PCGF5: variants seen among roughly 807,000 people sequenced by gnomAD.
PCGF5 encodes the protein polycomb group RING finger protein 5.
A neutral mutation model predicts 44.3 loss-of-function variants in PCGF5; 9 were observed. The ratio of observed to expected loss-of-function variants is 0.20; its 90% CI spans 0.12 to 0.35. The LOEUF is 0.35. Among genes scored for constraint, PCGF5 ranks in the 10% least tolerant of loss-of-function variants. PCGF5 has a pLI of 1.00. For synonymous variants in PCGF5, 95 were observed against 102.5 expected (o/e 0.93, Z 0.44); for missense variants, 146 against 305.3 (o/e 0.48, Z 3.89).
intron 1 of PCGF5, among the ~76,000 whole-genome samples, chr10:91,163,616 C>T (rs180972007): frequency 1.4e-3 from 218 of 152,196 alleles, no homozygotes; most frequent in African/African-American, 5.1e-3. Context: ...TGGCTCGGGG[C>T]GCGAGCATCT....
intron 1 of PCGF5, among the ~76,000 whole-genome samples, chr10:91,172,569 A>G (rs1843629009): frequency 6.6e-6 from 1 of 152,248 alleles, no homozygotes; most frequent in African/African-American, 2.4e-5. Flanking sequence ...GTGGAATAGT[A>G]TGGTGTCATA....
chr10:91,271,764 A>G lies in PCGF5; in HGVS notation c.723+67A>G, dbSNP rs1846187582. 4 of 1,329,784 alleles carry G rather than the reference A, an allele frequency of 3.0e-6. No individual in the cohort carries two copies. In the African/African-American group the frequency reaches 4.3e-5, roughly 14 times the overall value. The allele number at this position is 1,329,784 out of a possible 1,614,324, so 82.4% of individuals were successfully genotyped here. ...CATGGCGGTGAGCACATTCATCCCAAACTCAATTCCTAAGACATTTAACTT... is the reference window on the plus strand; with the variant it reads ...CATGGCGGTGAGCACATTCATCCCAGACTCAATTCCTAAGACATTTAACTT... On this transcript the variant is annotated intron_variant, in intron 9 of 9. Transcript: ENST00000336126.
At chr10:91,173,578 C>CTTTTTTTTTTTTTTTTTTTTTTT (rs59254639) in intron 1 of PCGF5, among the ~76,000 whole-genome samples, 1 of 115,626 alleles carries the variant, frequency 8.6e-6, no homozygotes, top group African/African-American at 3.4e-5. Flanking sequence ...AGGGAGTTGG[C>CTTTTTTTTTTTTTTTTTTTTTTT]TTTTTTTTTT....
intron 3 of PCGF5, among the ~76,000 whole-genome samples, chr10:91,248,229 A>G (rs929149045): frequency 6.6e-6 from 1 of 152,168 alleles, no homozygotes; most frequent in African/African-American, 2.4e-5. Context: ...AGGCAGGGGA[A>G]TAAACTCCAT....
At chr10:91,168,931 A>G (rs1198170155) in intron 1 of PCGF5, among the ~76,000 whole-genome samples, 3 of 18,060 alleles carry the variant, frequency 1.7e-4, no homozygotes, top group East Asian at 4.5e-3. Context: ...CCGTCTCAGA[A>G]AAAAAAAAAA....
chr10:91,192,692 A>G (rs1844054921), intron 1 of PCGF5, among the ~76,000 whole-genome samples: 1 of 152,216 alleles, frequency 6.6e-6, no homozygotes, highest in South Asian at 2.1e-4. Context: ...CAGGCATAGT[A>G]AACATTTATT....
Position 91,175,151 on chromosome 10 carries a change from C to T in PCGF5, c.-184+12070C>T, listed in dbSNP as rs1261824839. The stretch of plus-strand genomic sequence containing the variant: ...AATCTGTAAGGGAACTAGATCCTCA[C>T]TTCACTTCTTCTATGCCATACCACA... On this transcript the variant is annotated intron_variant, in intron 1 of 9. Coordinates refer to the PCGF5 transcript ENST00000614189. 2.0e-5 allele frequency among the ~76,000 whole-genome samples: 3 copies of T among 152,204 alleles called. No individual in the cohort carries two copies. In the East Asian group the frequency reaches 5.8e-4, roughly 29 times the overall value.
chr10:91,198,797 G>A (rs1030452722), intron 1 of PCGF5, among the ~76,000 whole-genome samples: 4 of 152,248 alleles, frequency 2.6e-5, no homozygotes, highest in Non-Finnish European at 4.4e-5. Context: ...AGGATTGGAT[G>A]TAGTTTTGTG....
chr10:91,247,962 A>G (rs993456322), intron 3 of PCGF5, among the ~76,000 whole-genome samples: 11 of 152,090 alleles, frequency 7.2e-5, no homozygotes, highest in African/African-American at 4.8e-5. Context: ...TTAGCTGTGC[A>G]TTGGGTAATC....
intron 2 of PCGF5, among the ~76,000 whole-genome samples, chr10:91,223,520 G>A (rs1263502628): frequency 6.6e-6 from 1 of 152,176 alleles, no homozygotes; most frequent in East Asian, 1.9e-4. Flanking sequence ...GCATGCTTAA[G>A]TTTGAGAATC....
intron 1 of PCGF5, among the ~76,000 whole-genome samples, chr10:91,186,586 G>GTGTA (rs1564628192): frequency 9.4e-4 from 110 of 116,710 alleles, no homozygotes; most frequent in African/African-American, 2.7e-3. Flanking sequence ...ATATGTGTGT[G>GTGTA]TATATATATG....
rs2133486242 is a variant in PCGF5 at position 91,281,409 on chromosome 10, T to G, written c.*3093T>G. The G allele has an allele frequency of 6.5e-6, 1 of 152,680 alleles. No individual in the cohort carries two copies. The highest frequency in any genetic ancestry group is 1.9e-4 in the East Asian group (1 of 5,192). 9.5% of individuals were successfully genotyped at this position (152,680 alleles called of 1,614,324 possible). A position where few individuals can be genotyped will look rare whatever the true frequency, so the allele number is the denominator to read the frequency against. On this transcript the variant is annotated 3_prime_UTR_variant, in exon 10 of 10. Coordinates refer to ENST00000336126, the MANE Select transcript of PCGF5 (RefSeq NM_032373.5). ...AGGAAAAAAAGTGTGTTATATAATATTGTGAACTGTTTAGCTTTACTGAAA... is the reference window on the plus strand; with the variant it reads ...AGGAAAAAAAGTGTGTTATATAATAGTGTGAACTGTTTAGCTTTACTGAAA...
At chr10:91,236,135 C>T (rs539879330) in intron 2 of PCGF5, among the ~76,000 whole-genome samples, 2 of 152,204 alleles carry the variant, frequency 1.3e-5, no homozygotes, top group South Asian at 4.1e-4. Flanking sequence ...GATTTTGATG[C>T]CAGGGACCAA....
At chr10:91,192,477 C>G (rs1016458746) in intron 1 of PCGF5, among the ~76,000 whole-genome samples, 3 of 152,174 alleles carry the variant, frequency 2.0e-5, no homozygotes, top group Admixed American at 2.0e-4. Context: ...CCATCTTGCT[C>G]ATCGTCAATT....
At chr10:91,277,412 A>G (rs61279719) in intron 9 of PCGF5, among the ~76,000 whole-genome samples, 19,787 of 152,116 alleles carry the variant, frequency 0.13, 2,391 homozygotes, top group African/African-American at 0.32. Context: ...ATTTTAAGAG[A>G]GAGTATCTAC....
chr10:91,218,580 G>T (rs1341956994), upstream of PCGF5, among the ~76,000 whole-genome samples: 4 of 152,082 alleles, frequency 2.6e-5, no homozygotes, highest in Non-Finnish European at 5.9e-5. Context: ...CATCACACAG[G>T]AAAGTTGCCA....
At chr10:91,213,424 T>C (rs1342665276) in intron 1 of PCGF5, among the ~76,000 whole-genome samples, 1 of 152,126 alleles carries the variant, frequency 6.6e-6, no homozygotes, top group Non-Finnish European at 1.5e-5. Flanking sequence ...TATAAGTATG[T>C]TTCTGTACTT....
At chr10:91,222,554 A>G (rs944979015) in intron 1 of PCGF5, 135 bp from the exon 2 acceptor site, 7 of 430,168 alleles carry the variant, frequency 1.6e-5, no homozygotes, top group East Asian at 1.4e-4. Context: ...TAATGATACA[A>G]TGAAGGATAT....
rs74150613 is a variant in PCGF5 at position 91,231,231 on chromosome 10, G to A, written c.112+8248G>A. Among the ~76,000 whole-genome samples, 1,101 of 152,194 alleles carry A rather than the reference G, an allele frequency of 7.2e-3. 18 individuals carry two copies. The highest frequency in any genetic ancestry group is 0.025 in the African/African-American group (1,045 of 41,516). Reference sequence around the variant, plus strand: ...CATTTATATTATAAATCATTACTAAGCACTTTGTCTTCCAGATACAATTCT... The same window carrying A: ...CATTTATATTATAAATCATTACTAAACACTTTGTCTTCCAGATACAATTCT... On this transcript the variant is annotated intron_variant, in intron 2 of 9. Transcript: ENST00000336126.
Sources: gnomAD v4.1 joint callset for allele counts (sites outside exome capture counted in the v4.1 genomes callset) on GRCh38, gnomAD v4.1.1 for gene constraint, MANE v1.5 for transcripts, NCBI Gene and HGNC (gene_info 2026-07-23, HGNC 2026-07-21) for gene names.